RNLS: variants seen among roughly 807,000 people sequenced by gnomAD.
RNLS encodes the protein renalase.
Under a neutral mutation model 39.8 loss-of-function variants are expected in RNLS, and 39 were observed. The ratio of observed to expected loss-of-function variants is 0.98; its 90% CI spans 0.76 to 1.28. RNLS has a LOEUF of 1.28. RNLS is among the 50% of genes most tolerant of loss of function. The probability of loss-of-function intolerance (pLI) is 0.00; values close to 1 mark genes in which losing one functional copy is unlikely to be tolerated. For missense variants in RNLS, 410 were observed against 413.3 expected, an observed-to-expected ratio of 0.99 and a Z score of 0.07; for synonymous variants, 147 against 150.7, an observed-to-expected ratio of 0.98 and a Z score of 0.18.
At chr10:88,318,966 T>A (rs7091066) in intron 5 of RNLS, among the ~76,000 whole-genome samples, 36,090 of 152,066 alleles carry the variant, frequency 0.24, 4,699 homozygotes, top group Non-Finnish European at 0.28. Context: ...GCTCTTACTC[T>A]TAAGTGCCAC....
intron 1 of RNLS, 35 bp downstream of exon 1, chr10:88,583,038 C>T: frequency 6.2e-7 from 1 of 1,601,154 alleles, no homozygotes; most frequent in Non-Finnish European, 8.5e-7. Context: ...CCCGGCAGTC[C>T]TCTTTTCCCA....
At chr10:88,551,202 C>T (rs1444428911) in intron 4 of RNLS, among the ~76,000 whole-genome samples, 1 of 152,180 alleles carries the variant, frequency 6.6e-6, no homozygotes, top group African/African-American at 2.4e-5. Context: ...AACTACTTTA[C>T]TGAAGCCAGC....
intron 4 of RNLS, among the ~76,000 whole-genome samples, chr10:88,525,542 C>T (rs980156133): frequency 1.3e-5 from 2 of 152,012 alleles, no homozygotes; most frequent in African/African-American, 2.4e-5. Context: ...CTGGGCCCTG[C>T]GTATGTAGTA....
intron 4 of RNLS, among the ~76,000 whole-genome samples, chr10:88,560,930 T>A (rs1253714089): frequency 7.2e-6 from 1 of 138,638 alleles, no homozygotes; most frequent in Non-Finnish European, 1.6e-5. Context: ...AGTTTGTAGA[T>A]GTTCAGAGAT....
intron 4 of RNLS, among the ~76,000 whole-genome samples, chr10:88,402,450 G>A (rs1852988639): frequency 6.6e-6 from 1 of 151,566 alleles, no homozygotes; most frequent in African/African-American, 2.4e-5. Context: ...ACCAATAACA[G>A]CCATTGCTGA....
intron 6 of RNLS, among the ~76,000 whole-genome samples, chr10:88,305,132 A>G (rs943384555): frequency 7.9e-5 from 12 of 152,136 alleles, no homozygotes; most frequent in African/African-American, 2.7e-4. Context: ...AGAAATAAGA[A>G]TCTTTACAGA....
chr10:88,385,791 C>T (rs1218547866), intron 4 of RNLS, among the ~76,000 whole-genome samples: 1 of 152,142 alleles, frequency 6.6e-6, no homozygotes, highest in Non-Finnish European at 1.5e-5. Context: ...CCTGCTTAGT[C>T]CACCTGGTGG....
chr10:88,392,680 G>C (rs1312568054), intron 4 of RNLS, among the ~76,000 whole-genome samples: 1 of 152,160 alleles, frequency 6.6e-6, no homozygotes, highest in Admixed American at 6.6e-5. Context: ...ACCCTGGGGA[G>C]GTAGGAGATT....
rs372793252 is a variant in RNLS at position 88,520,457 on chromosome 10, G to A, written c.526+52446C>T. 8.5e-5 allele frequency among the ~76,000 whole-genome samples: 13 copies of A among 152,096 alleles called. No individual in the cohort carries two copies. In the East Asian group the frequency reaches 1.4e-3, roughly 16 times the overall value. On this transcript the variant is annotated intron_variant, in intron 4 of 6. Transcript: ENST00000331772. ...ACCAATCTCATAGACATGCCCAAAC[G>A]TGTGGGCATTTGGGTGACAGGGCTG...
intron 4 of RNLS, among the ~76,000 whole-genome samples, chr10:88,488,088 G>A (rs1050062388): frequency 1.3e-5 from 2 of 152,060 alleles, no homozygotes; most frequent in African/African-American, 4.8e-5. Context: ...GATGGGAGAA[G>A]GTATGAATTA....
At position 88,535,648 on chromosome 10, in the gene RNLS, T is replaced by C. The variant is rs796985645; in HGVS notation, c.526+37255A>G. Among the ~76,000 whole-genome samples the C allele has an allele frequency of 4.6e-5, 7 of 151,956 alleles. 1 individual carries two copies. The highest frequency in any genetic ancestry group is 1.7e-4 in the African/African-American group (7 of 41,460). On this transcript the variant is annotated intron_variant, in intron 4 of 6. Transcript: ENST00000331772. ...GTAGTAGGACTCATTACTGATAAAA[T>C]AAACAATAATGAGTCCCTACAGCTG... is the stretch of plus-strand genomic sequence containing the variant.
intron 4 of RNLS, among the ~76,000 whole-genome samples, chr10:88,490,412 T>C (rs567793320): frequency 6.6e-6 from 1 of 152,308 alleles, no homozygotes; most frequent in African/African-American, 2.4e-5. Flanking sequence ...CATAAAAGAA[T>C]GTGCATATAC....
At chr10:88,576,197 C>A (rs1850197342) in intron 3 of RNLS, among the ~76,000 whole-genome samples, 1 of 152,148 alleles carries the variant, frequency 6.6e-6, no homozygotes, top group Non-Finnish European at 1.5e-5. Flanking sequence ...TGCATCTTTT[C>A]TTTGTATGTA....
At chr10:88,354,968 C>A (rs117710385) in intron 5 of RNLS, among the ~76,000 whole-genome samples, 2,782 of 152,274 alleles carry the variant, frequency 0.018, 44 homozygotes, top group Non-Finnish European at 0.022. Flanking sequence ...TTCATCTGAT[C>A]ATCCATCATT....
chr10:88,318,899 C>A (rs951840515), intron 5 of RNLS, among the ~76,000 whole-genome samples: 6 of 152,166 alleles, frequency 3.9e-5, no homozygotes, highest in African/African-American at 1.4e-4. Flanking sequence ...AAATCTCCTC[C>A]CCTCTATATC....
chr10:88,413,353 TC>T (rs1168750154), intron 4 of RNLS, among the ~76,000 whole-genome samples: 1 of 152,200 alleles, frequency 6.6e-6, no homozygotes, highest in African/African-American at 2.4e-5. Context: ...CTGACATGCA[TC>T]CATTCACTTA....
intron 4 of RNLS, among the ~76,000 whole-genome samples, chr10:88,470,641 A>C (rs1180039923): frequency 6.9e-6 from 1 of 144,768 alleles, no homozygotes; most frequent in Non-Finnish European, 1.5e-5. Context: ...TTTGAGACAG[A>C]GTCTCGCTCT....
Position 88,463,648 on chromosome 10 carries a change from G to C in RNLS, c.527-100923C>G, listed in dbSNP as rs372022456. Among the ~76,000 whole-genome samples the C allele has an allele frequency of 5.3e-5, 8 of 152,074 alleles. No individual in the cohort carries two copies. The East Asian group carries it at 9.7e-4, about 18-fold the overall frequency. ...ACTGAGAAAAATAATACCTAAAGCA[G>C]TTAATTGAGAGATTGCTACTCATTT... On this transcript the variant is annotated intron_variant, in intron 4 of 6. Coordinates refer to ENST00000331772, the MANE Select transcript of RNLS (RefSeq NM_001031709.3).
chr10:88,233,175 A>G, the RNLS span, among the ~76,000 whole-genome samples: 7 of 152,226 alleles, frequency 4.6e-5, no homozygotes, highest in Non-Finnish European at 1.0e-4. Flanking sequence ...TGCAGTCTGC[A>G]AGCAATTAGC....
Sources: gnomAD v4.1 joint callset for allele counts (sites outside exome capture counted in the v4.1 genomes callset) on GRCh38, gnomAD v4.1.1 for gene constraint, MANE v1.5 for transcripts, NCBI Gene and HGNC (gene_info 2026-07-23, HGNC 2026-07-21) for gene names.